PDE11A: variants seen among roughly 807,000 people sequenced by gnomAD.
PDE11A encodes the protein phosphodiesterase 11A.
In PDE11A, 100 loss-of-function variants were observed where a neutral mutation model predicts 100.5. The ratio of observed to expected loss-of-function variants is 1.00; its 90% CI spans 0.85 to 1.18. PDE11A has a LOEUF of 1.18. Ranked by LOEUF, PDE11A falls within the 50% of genes most tolerant of loss-of-function variation. PDE11A has a pLI of 0.00. For synonymous variants in PDE11A, 381 were observed against 420.8 expected, an observed-to-expected ratio of 0.91 and a Z score of 1.16; for missense variants, 1,141 against 1,152.6, an observed-to-expected ratio of 0.99 and a Z score of 0.15.
intron 2 of PDE11A, among the ~76,000 whole-genome samples, chr2:177,915,438 C>T (rs958455581): frequency 6.6e-6 from 1 of 152,194 alleles, no homozygotes; most frequent in Non-Finnish European, 1.5e-5. Flanking sequence ...ATAGTTGGAA[C>T]CACGCAGTAT....
intron 6 of PDE11A, among the ~76,000 whole-genome samples, chr2:177,829,011 G>A (rs953870885): frequency 3.9e-5 from 6 of 152,164 alleles, no homozygotes; most frequent in East Asian, 1.9e-4. Flanking sequence ...GCTGGATCTC[G>A]GTGGTAGCAG....
At chr2:178,049,730 C>T (rs1198093147) in intron 1 of PDE11A, among the ~76,000 whole-genome samples, 1 of 152,180 alleles carries the variant, frequency 6.6e-6, no homozygotes, top group Non-Finnish European at 1.5e-5. Flanking sequence ...GAGGGTCCCA[C>T]ACCCACGGAG....
At chr2:177,960,624 T>A (rs2695104) in intron 2 of PDE11A, among the ~76,000 whole-genome samples, 101,302 of 151,702 alleles carry the variant, frequency 0.67, 35,428 homozygotes, top group African/African-American at 0.87. Flanking sequence ...TTCCATAGTC[T>A]TATATAATTG....
At chr2:177,864,687 A>T (rs148606511) in intron 5 of PDE11A, among the ~76,000 whole-genome samples, 128 of 152,340 alleles carry the variant, frequency 8.4e-4, no homozygotes, top group African/African-American at 2.8e-3. Flanking sequence ...GAGATAATCA[A>T]TTATGAGATA....
At chr2:177,730,667 A>G (rs551104863) in intron 10 of PDE11A, among the ~76,000 whole-genome samples, 161 of 151,718 alleles carry the variant, frequency 1.1e-3, no homozygotes, top group Non-Finnish European at 1.9e-3. Context: ...CTTTTTATGT[A>G]TTTTTAATAG....
intron 9 of PDE11A, among the ~76,000 whole-genome samples, chr2:177,775,695 A>T (rs1460702715): frequency 6.6e-6 from 1 of 152,182 alleles, no homozygotes; most frequent in Non-Finnish European, 1.5e-5. Context: ...TCTACCTCAG[A>T]GCTTCCCTGT....
intron 19 of PDE11A, among the ~76,000 whole-genome samples, chr2:177,660,388 C>G (rs1262296428): frequency 6.6e-6 from 1 of 152,068 alleles, no homozygotes; most frequent in Non-Finnish European, 1.5e-5. Flanking sequence ...CTGTCTTTCT[C>G]CACTTGAGAT....
intron 9 of PDE11A, among the ~76,000 whole-genome samples, chr2:177,783,572 C>T (rs796874378): frequency 2.0e-5 from 3 of 152,154 alleles, no homozygotes; most frequent in African/African-American, 7.2e-5. Context: ...TTATTCCTTG[C>T]AATATAGGCA....
intron 19 of PDE11A, among the ~76,000 whole-genome samples, chr2:177,631,852 T>G (rs2079955423): frequency 6.6e-6 from 1 of 151,858 alleles, no homozygotes; most frequent in East Asian, 1.9e-4. Context: ...ACCTCCTATG[T>G]GTTAAACACA....
At chr2:177,863,521 A>C (rs1370174213) in intron 5 of PDE11A, among the ~76,000 whole-genome samples, 4 of 152,026 alleles carry the variant, frequency 2.6e-5, no homozygotes, top group Non-Finnish European at 5.9e-5. Context: ...AATGGGCAAA[A>C]AATCAGAATA....
chr2:177,698,411 G>A (rs1029278987), intron 14 of PDE11A: 1 of 152,076 alleles, frequency 6.6e-6, no homozygotes, highest in African/African-American at 2.4e-5. Flanking sequence ...TTTAAAGTCA[G>A]GACTTTTCAT....
intron 5 of PDE11A, among the ~76,000 whole-genome samples, chr2:177,869,134 C>T (rs2084080628): frequency 6.6e-6 from 1 of 152,246 alleles, no homozygotes; most frequent in South Asian, 2.1e-4. Context: ...TTCAAACTCA[C>T]ACACTAAAAT....
At chr2:177,750,907 T>C (rs1182082416) in intron 10 of PDE11A, among the ~76,000 whole-genome samples, 1 of 152,196 alleles carries the variant, frequency 6.6e-6, no homozygotes, top group Non-Finnish European at 1.5e-5. Flanking sequence ...CTAGCTCTAT[T>C]ACAGAATCGC....
intron 19 of PDE11A, among the ~76,000 whole-genome samples, chr2:177,638,188 A>T (rs2080080218): frequency 1.3e-5 from 2 of 151,576 alleles, no homozygotes; most frequent in Admixed American, 6.6e-5. Flanking sequence ...TTTAGTAGAG[A>T]CAGGGTTTCA....
chr2:177,783,692 T>G (rs549287026), intron 9 of PDE11A, among the ~76,000 whole-genome samples: 1 of 152,322 alleles, frequency 6.6e-6, no homozygotes, highest in African/African-American at 2.4e-5. Context: ...TTATTCTGTT[T>G]CCACAAAAAC....
chr2:178,085,640 G>T (rs867572777), intron 2 of PDE11A, among the ~76,000 whole-genome samples: 39 of 152,164 alleles, frequency 2.6e-4, no homozygotes, highest in Middle Eastern at 3.4e-3. Flanking sequence ...TGTTTAACAA[G>T]ACTGTACAAG....
chr2:177,720,679 T>C (rs745607604), intron 12 of PDE11A, among the ~76,000 whole-genome samples: 1 of 152,152 alleles, frequency 6.6e-6, no homozygotes, highest in Non-Finnish European at 1.5e-5. Context: ...TTGCAGGTTG[T>C]CTAATTATTC....
At chr2:177,772,499 G>T (rs939857854) in intron 9 of PDE11A, among the ~76,000 whole-genome samples, 3 of 151,984 alleles carry the variant, frequency 2.0e-5, no homozygotes, top group African/African-American at 7.2e-5. Context: ...AATTGATTTT[G>T]CTCTTTTGTT....
intron 1 of PDE11A, among the ~76,000 whole-genome samples, chr2:178,057,080 A>G (rs2086908913): frequency 6.6e-6 from 1 of 152,210 alleles, no homozygotes; most frequent in Non-Finnish European, 1.5e-5. Flanking sequence ...CCAGCAGTTC[A>G]GGGGACTCTG....
Sources: gnomAD v4.1 joint callset for allele counts (sites outside exome capture counted in the v4.1 genomes callset) on GRCh38, gnomAD v4.1.1 for gene constraint, MANE v1.5 for transcripts, NCBI Gene and HGNC (gene_info 2026-07-23, HGNC 2026-07-21) for gene names.